The following DNAJC13 variants were observed in gnomAD, a reference collection of about 807,000 sequenced individuals.
DNAJC13 encodes the protein DnaJ heat shock protein family (Hsp40) member C13.
Under a neutral mutation model 290.5 loss-of-function variants are expected in DNAJC13, and 75 were observed. The observed-to-expected ratio is 0.26, with a 90% CI of 0.21 to 0.31. The LOEUF is 0.31. DNAJC13 is among the 10% of genes least tolerant of loss of function. The probability of loss-of-function intolerance (pLI) is 1.00; values close to 1 mark genes in which losing one functional copy is unlikely to be tolerated. For missense variants in DNAJC13, 2,260 were observed against 2,674.5 expected (o/e 0.85, Z 3.42); for synonymous variants, 862 against 892.0 (o/e 0.97, Z 0.60).
intron 31 of DNAJC13, 89 bp downstream of exon 31, chr3:132,489,110 G>C (rs1934978409): frequency 2.0e-6 from 2 of 1,009,226 alleles, no homozygotes. Flanking sequence ...ATGTTTACTA[G>C]ATTATAAGTA....
At chr3:132,488,580 A>G (rs1327424334) in intron 30 of DNAJC13, 128 bp downstream of exon 30, 1 of 964,238 alleles carries the variant, frequency 1.0e-6, no homozygotes, top group Non-Finnish European at 1.5e-6. Context: ...ATTTAAGTAC[A>G]TGTCTAAAGA....
At chr3:132,530,662 C>G (rs16839345) in intron 54 of DNAJC13, among the ~76,000 whole-genome samples, 5,568 of 152,266 alleles carry the variant, frequency 0.037, 341 homozygotes, top group African/African-American at 0.12. Context: ...GCTCATCAGC[C>G]CATACACTGT....
intron 16 of DNAJC13, 48 bp from the exon 17 acceptor site, chr3:132,463,648 C>T (rs1254276359): frequency 1.9e-6 from 3 of 1,547,414 alleles, no homozygotes; most frequent in East Asian, 2.3e-5. Context: ...GTTTGGATAG[C>T]TTGTCCTGGA....
chr3:132,501,578 A>G (rs1935414970), intron 39 of DNAJC13, among the ~76,000 whole-genome samples: 1 of 152,082 alleles, frequency 6.6e-6, no homozygotes, highest in South Asian at 2.1e-4. Context: ...TCAAAAAAAA[A>G]AAAGAAAAAA....
In DNAJC13 at chr3:132,507,788, A is replaced by G. The variant is rs570377211; in HGVS notation, c.5115+435A>G. Among the ~76,000 whole-genome samples the G allele has an allele frequency of 5.3e-5, 8 of 152,262 alleles. No individual in the cohort carries two copies. The South Asian group carries it at 1.7e-3, about 32-fold the overall frequency. On this transcript the variant is annotated intron_variant, in intron 43 of 55. Coordinates refer to ENST00000260818, the MANE Select transcript of DNAJC13 (RefSeq NM_015268.4). The stretch of plus-strand genomic sequence containing the variant: ...TCTGGCCTCCCTATTCCCTGAGTCA[A>G]CAATATTGGAATTAGGCCAGTTAAT...
rs1935865170 is a variant in DNAJC13, at chr3:132,514,503, A to G, written c.5386-68A>G. On this transcript the variant is annotated intron_variant, in intron 45 of 55. Coordinates refer to ENST00000260818, the MANE Select transcript of DNAJC13 (RefSeq NM_015268.4). The stretch of plus-strand genomic sequence containing the variant: ...CATTTGTCTCACTTGTACAGTCTAT[A>G]TGACCTAATTTGATTTAGGTTCAAA... 7 of 1,114,068 alleles carry G rather than the reference A, an allele frequency of 6.3e-6. No individual in the cohort carries two copies. In the South Asian group the frequency reaches 8.4e-5, roughly 13 times the overall value. 69.0% of individuals were successfully genotyped at this position (1,114,068 alleles called of 1,614,324 possible). A position where few individuals can be genotyped will look rare whatever the true frequency, so the allele number is the denominator to read the frequency against.
chr3:132,492,570 A>G lies in DNAJC13; in HGVS notation c.3780A>G (p.Gln1260=), dbSNP rs151207824. ...ELFCNIYYLK[Q]LCDTLRFPDW... ...TTTGTAATATTTATTACCTCAAACAACTGTGTGATACACTCCGGTTTCCAG... is the reference window on the plus strand; with the variant it reads ...TTTGTAATATTTATTACCTCAAACAGCTGTGTGATACACTCCGGTTTCCAG... The change falls in exon 33 of 56, where the codon CAA becomes CAG. Residue 1260 remains glutamine (Q), a synonymous_variant. Transcript: ENST00000260818. 5.6e-6 allele frequency: 9 copies of G among 1,613,598 alleles called. No homozygotes were observed. In the African/African-American group the frequency reaches 8.0e-5, roughly 14 times the overall value.
intron 43 of DNAJC13, 88 bp downstream of exon 43, chr3:132,507,441 C>A: frequency 1.3e-6 from 1 of 770,162 alleles, no homozygotes; most frequent in Non-Finnish European, 2.2e-6. Context: ...TAGAGGCACA[C>A]TTCATTTTAT....
intron 27 of DNAJC13, 66 bp from the exon 28 acceptor site, chr3:132,483,309 T>G (rs568050730): frequency 1.5e-6 from 2 of 1,309,090 alleles, no homozygotes; most frequent in Non-Finnish European, 2.2e-6. Context: ...TACTATAAAG[T>G]AGAAAACACT....
Position 132,447,317 on chromosome 3 carries a change from T to A in DNAJC13, c.145-4T>A, listed in dbSNP as rs753840578. The A allele has an allele frequency of 5.6e-5, 86 of 1,543,550 alleles. No individual in the cohort carries two copies. The highest frequency in any genetic ancestry group is 7.4e-5 in the Non-Finnish European group (85 of 1,155,044). ...GCACCAGTCAAAATTTTTTTTTTTT[T>A]AAGTGGCCTTATGGAGACATTTGCA... On this transcript the variant is annotated splice_region_variant and splice_polypyrimidine_tract_variant and intron_variant, in intron 3 of 55. Transcript: ENST00000260818.
chr3:132,453,719 A>G, intron 8 of DNAJC13, 25 bp downstream of exon 8: 4 of 1,557,144 alleles, frequency 2.6e-6, no homozygotes, highest in Non-Finnish European at 3.5e-6. Context: ...TGTTAGCTTA[A>G]ATGAGATTTC....
At chr3:132,467,462 AT>A in intron 20 of DNAJC13, 149 bp downstream of exon 20, 1 of 684,052 alleles carries the variant, frequency 1.5e-6, no homozygotes, top group Non-Finnish European at 2.3e-6. Flanking sequence ...TTTCTTTTTT[AT>A]TTTATTTATT....
intron 2 of DNAJC13, among the ~76,000 whole-genome samples, chr3:132,437,690 G>C (rs1460740164): frequency 6.6e-6 from 1 of 152,120 alleles, no homozygotes; most frequent in Non-Finnish European, 1.5e-5. Context: ...CCTTATGCCA[G>C]TACCATATTG....
At chr3:132,534,645 C>CAA (rs72372476) in intron 55 of DNAJC13, among the ~76,000 whole-genome samples, 3 of 151,670 alleles carry the variant, frequency 2.0e-5, no homozygotes, top group African/African-American at 7.3e-5. Flanking sequence ...GACCTTGTCT[C>CAA]AAAAAAAATT....
At chr3:132,518,740 C>A (rs929242698) in intron 48 of DNAJC13, among the ~76,000 whole-genome samples, 2 of 152,008 alleles carry the variant, frequency 1.3e-5, no homozygotes, top group African/African-American at 4.8e-5. Context: ...ATCTAGTGTA[C>A]AATTCAGTGG....
chr3:132,511,358 T>TTAA, intron 44 of DNAJC13, 114 bp downstream of exon 44: 1 of 1,200,944 alleles, frequency 8.3e-7, no homozygotes, highest in East Asian at 2.5e-5. Flanking sequence ...TTATAATGTA[T>TTAA]TAATATAACA....
intron 48 of DNAJC13, among the ~76,000 whole-genome samples, chr3:132,517,777 G>A (rs997834366): frequency 2.0e-5 from 3 of 152,094 alleles, no homozygotes; most frequent in African/African-American, 4.8e-5. Context: ...AAAAAAGTCC[G>A]AGGCTAATTA....
At chr3:132,462,862 G>C (rs773155310) in intron 16 of DNAJC13, among the ~76,000 whole-genome samples, 5 of 152,150 alleles carry the variant, frequency 3.3e-5, no homozygotes, top group Non-Finnish European at 7.4e-5. Context: ...AGCTTGTATA[G>C]AAATCTATTG....
chr3:132,479,766 A>G (rs1002438703), intron 25 of DNAJC13, among the ~76,000 whole-genome samples: 2 of 152,118 alleles, frequency 1.3e-5, no homozygotes, highest in Non-Finnish European at 2.9e-5. Flanking sequence ...TTCAAACAAG[A>G]GGAATTCACA....
Sources: allele counts gnomAD v4.1 joint callset (sites outside exome capture counted in the v4.1 genomes callset), GRCh38; gene constraint gnomAD v4.1.1; transcripts MANE v1.5; gene names NCBI Gene and HGNC (gene_info 2026-07-23, HGNC 2026-07-21).